WNT4: variants seen among roughly 807,000 people sequenced by gnomAD.
WNT4 encodes Wnt family member 4.
In WNT4, 16 loss-of-function variants were observed where a neutral mutation model predicts 34.5. That is an observed-to-expected ratio of 0.46 (90% CI 0.31 to 0.70). The LOEUF (loss-of-function observed/expected upper bound fraction) is 0.70, where lower values mean the gene tolerates loss of function less well. Ranked by LOEUF, WNT4 falls within the 30% of genes least tolerant of loss-of-function variation. WNT4 has a pLI of 0.04. For missense variants in WNT4, 379 were observed against 495.9 expected, an observed-to-expected ratio of 0.76 and a Z score of 2.24; for synonymous variants, 200 against 211.9, an observed-to-expected ratio of 0.94 and a Z score of 0.49.
At chr1:22,141,519 C>T (rs2124142946) in intron 1 of WNT4, among the ~76,000 whole-genome samples, 1 of 152,294 alleles carries the variant, frequency 6.6e-6, no homozygotes, top group Non-Finnish European at 1.5e-5. Context: ...GCCTTGCTTT[C>T]TGTACACTCT....
chr1:22,137,272 G>A lies in WNT4; in HGVS notation c.77+5574C>T, dbSNP rs1255997480. 6.6e-6 allele frequency among the ~76,000 whole-genome samples: 1 copy of A among 152,152 alleles called. No individual in the cohort carries two copies. The highest frequency in any genetic ancestry group is 6.5e-5 in the Admixed American group (1 of 15,282). The stretch of plus-strand genomic sequence containing the variant: ...AGCTGGTGGGGTCACGGCAGGGAGC[G>A]AGCCGTCCCGAGTTTGGCTGAATCA... On this transcript the variant is annotated intron_variant, in intron 1 of 4. Coordinates refer to ENST00000290167, the MANE Select transcript of WNT4 (RefSeq NM_030761.5). The surrounding 1 kb of genome is among the most constrained non-coding windows in gnomAD (Gnocchi z 5.3).
intron 2 of WNT4, among the ~76,000 whole-genome samples, chr1:22,125,101 C>A (rs551656204): frequency 4.3e-4 from 66 of 152,344 alleles, no homozygotes; most frequent in African/African-American, 1.5e-3. Flanking sequence ...TGGATTCTTA[C>A]TAGCAGTGTG....
chr1:22,131,464 T>A (rs1228430836), intron 1 of WNT4, among the ~76,000 whole-genome samples: 1 of 152,170 alleles, frequency 6.6e-6, no homozygotes, highest in Admixed American at 6.5e-5. Flanking sequence ...ACAGTCTGCA[T>A]AAGTATGGGT....
At chr1:22,128,639 TCTC>T (rs1645958105) in intron 2 of WNT4, among the ~76,000 whole-genome samples, 1 of 151,982 alleles carries the variant, frequency 6.6e-6, no homozygotes, top group Non-Finnish European at 1.5e-5. Context: ...GATCACAGCG[TCTC>T]CTCATCGAGG....
Position 22,120,390 on chromosome 1 carries a change from TC to T in WNT4, c.715del (p.Asp239MetfsTer125). The T allele has an allele frequency of 6.2e-7, 1 of 1,614,156 alleles. No individual in the cohort carries two copies. Among genetic ancestry groups the T allele is most frequent in the South Asian group, 1.1e-5 (1 of 91,084 alleles). ...QVGHALKEKF[D>X]GATEVEPRRV... The stretch of plus-strand genomic sequence containing the variant: ...GCGTGGCTCCACCTCAGTGGCACCA[TC>T]AAACTTCTCCTTCAGTGCGTGACCC... On this transcript the variant is annotated frameshift_variant, in exon 5 of 5. Transcript: ENST00000290167. LOFTEE classifies it high-confidence loss of function.
Position 22,119,950 on chromosome 1 carries a change from A to G in WNT4, c.*100T>C. On this transcript the variant is annotated 3_prime_UTR_variant, in exon 5 of 5. Transcript: ENST00000290167. ...CCCAAAAACCAAACCAGAACAAAAA[A>G]TACAACCAGTATCTCTTGGGGTAGG... 6.9e-7 allele frequency: 1 copy of G among 1,445,484 alleles called. No individual in the cohort carries two copies. The highest frequency in any genetic ancestry group is 9.4e-7 in the Non-Finnish European group (1 of 1,067,234). The allele number at this position is 1,445,484 out of a possible 1,614,324, so 89.5% of individuals were successfully genotyped here. A position where few individuals can be genotyped will look rare whatever the true frequency, so the allele number is the denominator to read the frequency against.
chr1:22,130,902 C>G (rs1645977940), intron 1 of WNT4, among the ~76,000 whole-genome samples: 1 of 152,234 alleles, frequency 6.6e-6, no homozygotes, highest in Non-Finnish European at 1.5e-5. Flanking sequence ...TATGGAAGTT[C>G]CATCAAACTT....
chr1:22,138,026 G>C (rs952312277), intron 1 of WNT4, among the ~76,000 whole-genome samples: 3 of 152,182 alleles, frequency 2.0e-5, no homozygotes, highest in Non-Finnish European at 4.4e-5. Context: ...TGACAGGCAC[G>C]TGCCAGGCAC....
Position 22,137,116 on chromosome 1 carries a change from G to A in WNT4, c.77+5730C>T, listed in dbSNP as rs1264041239. On this transcript the variant is annotated intron_variant, in intron 1 of 4. Coordinates refer to ENST00000290167, the MANE Select transcript of WNT4 (RefSeq NM_030761.5). The surrounding 1 kb of genome is among the most constrained non-coding windows in gnomAD (Gnocchi z 5.3). ...CCGAGGCTCCTCTCCCCTGGAGGAC[G>A]CATCCCTTCCTCCTCCCACCTCCCT... Among the ~76,000 whole-genome samples the A allele has an allele frequency of 6.6e-6, 1 of 152,158 alleles. No homozygotes were observed. The highest frequency in any genetic ancestry group is 1.9e-4 in the East Asian group (1 of 5,192).
At position 22,121,491 on chromosome 1, in the gene WNT4, C is replaced by T; in HGVS notation, c.399G>A (p.Leu133=). 6.2e-7 allele frequency: 1 copy of T among 1,614,066 alleles called. No individual in the cohort carries two copies. ...CTGTCCTGTCACAGCCGCACTTCTC[C>T]AGCTCCCCACTGCTGCACGCCCGCG... ...AVTRACSSGE[L]EKCGCDRTVH... Residue 133 remains leucine, a synonymous_variant, in exon 3 of 5, where the codon CTG becomes CTA. Coordinates refer to ENST00000290167, the MANE Select transcript of WNT4 (RefSeq NM_030761.5).
At position 22,142,377 on chromosome 1, in the gene WNT4, C is replaced by G. The variant is rs1646076421; in HGVS notation, c.77+469G>C. Among the ~76,000 whole-genome samples, 1 of 149,010 alleles carries G rather than the reference C, an allele frequency of 6.7e-6. No homozygotes were observed. Among genetic ancestry groups the G allele is most frequent in the East Asian group, 1.9e-4 (1 of 5,160 alleles). On this transcript the variant is annotated intron_variant, in intron 1 of 4. Transcript: ENST00000290167. This position sits in a 1 kb window ranked among gnomAD's most constrained non-coding sequence, Gnocchi z 6.0. ...AGGTCCCTGCACGCCTCCAGCCCAG[C>G]CCGCAGCGCGGCGCAGCTCGGCGCA...
chr1:22,128,881 G>A lies in WNT4; in HGVS notation c.313+735C>T, dbSNP rs747105708. On this transcript the variant is annotated intron_variant, in intron 2 of 4. Coordinates refer to ENST00000290167, the MANE Select transcript of WNT4 (RefSeq NM_030761.5). Reference sequence around the variant, plus strand: ...ACTACAGGCGCCCGCCACCACGCCCGGCTAATTTTTTTGTATTTTTAGTAG... The same window carrying A: ...ACTACAGGCGCCCGCCACCACGCCCAGCTAATTTTTTTGTATTTTTAGTAG... Among the ~76,000 whole-genome samples, 105 of 151,850 alleles carry A rather than the reference G, an allele frequency of 6.9e-4. 1 individual carries two copies. The highest frequency in any genetic ancestry group is 1.3e-3 in the Non-Finnish European group (90 of 68,004).
rs748888002 is a variant in WNT4, at chr1:22,142,803, T to TGCCCCGCCCC, written c.77+33_77+42dup. On this transcript the variant is annotated intron_variant, in intron 1 of 4. Coordinates refer to ENST00000290167, the MANE Select transcript of WNT4 (RefSeq NM_030761.5). The surrounding 1 kb of genome is among the most constrained non-coding windows in gnomAD (Gnocchi z 6.0). The stretch of plus-strand genomic sequence containing the variant: ...GGCACCGGCCGCTGCCCCCGGGGCC[T>TGCCCCGCCCC]GCCCCGCCCCGCCCCGCCCCGCTCG... 1.8e-6 allele frequency: 2 copies of TGCCCCGCCCC among 1,109,054 alleles called. No homozygotes were observed. Among genetic ancestry groups the TGCCCCGCCCC allele is most frequent in the African/African-American group, 1.7e-5 (1 of 58,428 alleles). 68.7% of individuals were successfully genotyped at this position (1,109,054 alleles called of 1,614,324 possible).
chr1:22,138,478 T>C (rs1472065847), intron 1 of WNT4, among the ~76,000 whole-genome samples: 1 of 152,144 alleles, frequency 6.6e-6, no homozygotes, highest in Non-Finnish European at 1.5e-5. Context: ...ACTGGCTATC[T>C]AGCCGGTAAA....
At position 22,142,862 on chromosome 1, in the gene WNT4, C is replaced by T; in HGVS notation, c.61G>A (p.Ala21Thr). The change falls in exon 1 of 5, where the codon GCC becomes ACC. Residue 21 changes from alanine to threonine, a missense_variant. Around this residue, in one of 2 missense-constraint regions of WNT4, gnomAD observed 66 missense variants for 50.1 expected, o/e 1.32. Coordinates refer to ENST00000290167, the MANE Select transcript of WNT4 (RefSeq NM_030761.5). The surrounding 1 kb of genome is among the most constrained non-coding windows in gnomAD (Gnocchi z 6.0). ...CAGACTTACAGCCAGTTGCTCGCGG[C>T]GGCTGAGAAGACGGCGAAGACGAGG... ...RLLVFAVFSA[A>T]ASNWLYLAKL... 8.2e-7 allele frequency: 1 copy of T among 1,212,280 alleles called. No homozygotes were observed. Among genetic ancestry groups the T allele is most frequent in the Non-Finnish European group, 1.1e-6 (1 of 947,222 alleles). The allele number at this position is 1,212,280 out of a possible 1,614,324, so 75.1% of individuals were successfully genotyped here.
intron 1 of WNT4, 91 bp from the exon 2 acceptor site, chr1:22,129,942 A>C: frequency 6.9e-7 from 1 of 1,449,948 alleles, no homozygotes. Flanking sequence ...GTCTCTGGGA[A>C]CTGACTCGTC....
intron 2 of WNT4, among the ~76,000 whole-genome samples, chr1:22,123,299 C>T (rs1645916413): frequency 6.6e-6 from 1 of 152,132 alleles, no homozygotes; most frequent in African/African-American, 2.4e-5. Flanking sequence ...AGGCTGATCT[C>T]CCCTGTGTAC....
chr1:22,138,410 C>G (rs553094002), intron 1 of WNT4, among the ~76,000 whole-genome samples: 10 of 152,248 alleles, frequency 6.6e-5, no homozygotes, highest in South Asian at 2.1e-4. Flanking sequence ...TTGCCCGCCC[C>G]CCAGGGGACA....
chr1:22,127,625 C>T (rs1351427980), intron 2 of WNT4: 1 of 368,250 alleles, frequency 2.7e-6, no homozygotes, highest in Admixed American at 3.5e-5. Context: ...ATGGCTTAGA[C>T]AAAAATGTGT....
Sources: gnomAD v4.1 joint callset for allele counts (sites outside exome capture counted in the v4.1 genomes callset) on GRCh38, gnomAD v4.1.1 for gene constraint, gnomAD v4.1.1 regional missense constraint, Gnocchi (gnomAD v3.1) non-coding constraint, MANE v1.5 for transcripts, NCBI Gene and HGNC (gene_info 2026-07-23, HGNC 2026-07-21) for gene names.